The following USP37 variants were observed in gnomAD, a reference collection of about 807,000 sequenced individuals.
The protein encoded by USP37 is ubiquitin specific peptidase 37.
Under a neutral mutation model 124.0 loss-of-function variants are expected in USP37, and 27 were observed. The observed-to-expected ratio is 0.22, with a 90% CI of 0.16 to 0.30. USP37 has a LOEUF of 0.30. USP37 is among the 10% of genes least tolerant of loss of function. The pLI is 1.00. For synonymous variants in USP37, 365 were observed against 388.0 expected (o/e 0.94, Z 0.70); for missense variants, 889 against 1,140.4 (o/e 0.78, Z 3.17).
At chr2:218,549,725 A>G (rs929034353) in intron 6 of USP37, 84 bp downstream of exon 6, 2 of 1,332,942 alleles carry the variant, frequency 1.5e-6, no homozygotes, top group Non-Finnish European at 1.0e-6. Context: ...TCGGCCTCCC[A>G]AGTGCTGGGA....
rs1353375425 is a variant in USP37, at chr2:218,457,306, T to C, written c.2644-145A>G. On this transcript the variant is annotated intron_variant, in intron 23 of 25. Coordinates refer to ENST00000258399, the MANE Select transcript of USP37 (RefSeq NM_020935.3). ...CAATTAAAAAATCTGTTCATACCCT[T>C]TGACCCAAGAATTCCACCCTCAACT... is the stretch of plus-strand genomic sequence containing the variant. The C allele has an allele frequency of 8.4e-6, 6 of 714,626 alleles. No individual in the cohort carries two copies. In the African/African-American group the frequency reaches 1.1e-4, roughly 13 times the overall value. The allele number at this position is 714,626 out of a possible 1,614,324, so 44.3% of individuals were successfully genotyped here.
At position 218,563,137 on chromosome 2, in the gene USP37, T is replaced by A. The variant is rs533053466; in HGVS notation, c.-229-324A>T. 7.4e-5 allele frequency among the ~76,000 whole-genome samples: 10 copies of A among 135,570 alleles called. No individual in the cohort carries two copies. In the South Asian group the frequency reaches 2.1e-3, roughly 29 times the overall value. 88.9% of individuals were successfully genotyped at this position (135,570 alleles called of 152,430 possible). A position where few individuals can be genotyped will look rare whatever the true frequency, so the allele number is the denominator to read the frequency against. On this transcript the variant is annotated intron_variant, in intron 1 of 25. Transcript: ENST00000258399. ...GAGATCACGCCATTGCACTCCAACCTGGGCAACAAGAGCAAAACTCCATCT... is the reference window on the plus strand; with the variant it reads ...GAGATCACGCCATTGCACTCCAACCAGGGCAACAAGAGCAAAACTCCATCT...
chr2:218,468,204 GTATTAT>G (rs1472924299), intron 20 of USP37, among the ~76,000 whole-genome samples: 2 of 150,570 alleles, frequency 1.3e-5, no homozygotes, highest in African/African-American at 4.9e-5. Context: ...CATAATTTTT[GTATTAT>G]TATTATTTTT....
chr2:218,541,781 ATAAACGG>A lies in USP37; in HGVS notation c.680+4433_680+4439del, dbSNP rs149279563. 2.7e-3 allele frequency among the ~76,000 whole-genome samples: 412 copies of A among 152,278 alleles called. 6 individuals carry two copies. Among genetic ancestry groups the A allele is most frequent in the African/African-American group, 9.5e-3 (394 of 41,568 alleles). The stretch of plus-strand genomic sequence containing the variant: ...AACTTAATACAAGACAGGAGTCAAT[ATAAACGG>A]TACAAGCTAGGGGAAGGGGGAACTA... On this transcript the variant is annotated intron_variant, in intron 8 of 25. Transcript: ENST00000258399.
intron 10 of USP37, among the ~76,000 whole-genome samples, chr2:218,512,334 C>T (rs1690044874): frequency 6.6e-6 from 1 of 152,044 alleles, no homozygotes; most frequent in African/African-American, 2.4e-5. Flanking sequence ...TGGAGAAACC[C>T]TGTCTCTACT....
chr2:218,510,934 G>T (rs1256831844), intron 10 of USP37, among the ~76,000 whole-genome samples: 2 of 151,980 alleles, frequency 1.3e-5, no homozygotes, highest in East Asian at 3.9e-4. Context: ...GGCAGAGGTT[G>T]CAATGAGCGC....
At chr2:218,495,340 C>T (rs1303258609) in intron 14 of USP37, among the ~76,000 whole-genome samples, 3 of 152,236 alleles carry the variant, frequency 2.0e-5, no homozygotes, top group East Asian at 1.9e-4. Context: ...TGGGGTTTCC[C>T]CATGTTGCCC....
chr2:218,513,313 G>A (rs1217971687), intron 10 of USP37, among the ~76,000 whole-genome samples: 1 of 152,110 alleles, frequency 6.6e-6, no homozygotes, highest in Non-Finnish European at 1.5e-5. Context: ...TTACAGGCGT[G>A]AGCCAACCAT....
At chr2:218,487,497 T>G (rs1691640092) in intron 15 of USP37, among the ~76,000 whole-genome samples, 1 of 152,154 alleles carries the variant, frequency 6.6e-6, no homozygotes, top group Non-Finnish European at 1.5e-5. Context: ...CTTGGCTCAC[T>G]GCAACCTCCC....
At chr2:218,503,850 T>C (rs1228740621) in intron 11 of USP37, among the ~76,000 whole-genome samples, 1 of 152,032 alleles carries the variant, frequency 6.6e-6, no homozygotes, top group Non-Finnish European at 1.5e-5. Flanking sequence ...CAAGGACAGA[T>C]GGAACAAATA....
At position 218,549,699 on chromosome 2, in the gene USP37, G is replaced by A. The variant is rs546191212; in HGVS notation, c.429+110C>T. The A allele has an allele frequency of 1.3e-4, 120 of 911,810 alleles. 2 individuals are homozygous for A. In the South Asian group the frequency reaches 1.5e-3, roughly 11 times the overall value. The allele number at this position is 911,810 out of a possible 1,614,324, so 56.5% of individuals were successfully genotyped here. A position where few individuals can be genotyped will look rare whatever the true frequency, so the allele number is the denominator to read the frequency against. On this transcript the variant is annotated intron_variant, in intron 6 of 25. Coordinates refer to ENST00000258399, the MANE Select transcript of USP37 (RefSeq NM_020935.3). ...AGGCTGGTCTCAGACTCCTGACCTC[G>A]GGTGATCCACCCGCCTCGGCCTCCC...
intron 10 of USP37, among the ~76,000 whole-genome samples, chr2:218,517,018 C>T (rs965172120): frequency 9.2e-5 from 14 of 152,162 alleles, no homozygotes; most frequent in African/African-American, 1.2e-4. Context: ...TTTACTTGTT[C>T]AATCCAAGTA....
intron 4 of USP37, among the ~76,000 whole-genome samples, chr2:218,556,365 C>T (rs1218908205): frequency 6.6e-6 from 1 of 152,050 alleles, no homozygotes; most frequent in African/African-American, 2.4e-5. Context: ...GACATCACTT[C>T]CACCTTTACT....
intron 5 of USP37, among the ~76,000 whole-genome samples, chr2:218,552,918 AAAAC>A (rs140347553): frequency 0.3 from 46,133 of 151,396 alleles, 7,873 homozygotes; most frequent in Non-Finnish European, 0.39. Flanking sequence ...ACTCCATTTC[AAAAC>A]AAACAAACAA....
intron 1 of USP37, among the ~76,000 whole-genome samples, chr2:218,567,340 C>G (rs923211764): frequency 6.6e-6 from 1 of 152,194 alleles, no homozygotes; most frequent in African/African-American, 2.4e-5. Flanking sequence ...AATGCTCCAT[C>G]CTAGGTGCCT....
At chr2:218,511,147 T>C (rs1689964473) in intron 10 of USP37, among the ~76,000 whole-genome samples, 1 of 145,414 alleles carries the variant, frequency 6.9e-6, no homozygotes, top group Admixed American at 6.8e-5. Flanking sequence ...AGAGTAGGTC[T>C]TTTTTTTTTT....
intron 5 of USP37, among the ~76,000 whole-genome samples, chr2:218,550,625 A>G (rs937798281): frequency 1.3e-5 from 2 of 151,490 alleles, no homozygotes; most frequent in Non-Finnish European, 2.9e-5. Flanking sequence ...CTCAAAAAAA[A>G]AAGAAAAAAG....
intron 10 of USP37, chr2:218,528,803 G>GGAA (rs1691131676): frequency 2.7e-4 from 8 of 29,706 alleles, no homozygotes; most frequent in East Asian, 7.1e-4. Context: ...CAATAAATCT[G>GGAA]AAAAAAAAAA....
At chr2:218,563,889 G>C (rs768769181) in intron 1 of USP37, among the ~76,000 whole-genome samples, 2 of 152,016 alleles carry the variant, frequency 1.3e-5, no homozygotes, top group Non-Finnish European at 2.9e-5. Flanking sequence ...AACACATTGA[G>C]ACCACAATGT....
Sources: gnomAD v4.1 joint callset for allele counts (sites outside exome capture counted in the v4.1 genomes callset) on GRCh38, gnomAD v4.1.1 for gene constraint, MANE v1.5 for transcripts, NCBI Gene and HGNC (gene_info 2026-07-23, HGNC 2026-07-21) for gene names.